The following CENPP variants were observed in gnomAD, a reference collection of about 807,000 sequenced individuals.
CENPP encodes the protein centromere protein P.
CENPP carries 24 observed loss-of-function variants against 35.6 expected under a neutral mutation model. The observed-to-expected ratio is 0.67, with a 90% confidence interval of 0.49 to 0.95. CENPP has a LOEUF of 0.95. Ranked by LOEUF, CENPP falls within the 40% of genes least tolerant of loss-of-function variation. The probability of loss-of-function intolerance (pLI) is 0.00; values close to 1 mark genes in which losing one functional copy is unlikely to be tolerated. For synonymous variants in CENPP, 120 were observed against 125.5 expected, an observed-to-expected ratio of 0.96 and a Z score of 0.29; for missense variants, 332 against 345.3, an observed-to-expected ratio of 0.96 and a Z score of 0.31.
chr9:92,439,889 C>A (rs1030728456), intron 5 of CENPP, among the ~76,000 whole-genome samples: 2 of 152,076 alleles, frequency 1.3e-5, no homozygotes, highest in Non-Finnish European at 2.9e-5. Flanking sequence ...GACCTAGGAA[C>A]CAGAATTTCT....
chr9:92,546,971 G>A (rs1849475696), intron 5 of CENPP, among the ~76,000 whole-genome samples: 2 of 152,088 alleles, frequency 1.3e-5, no homozygotes, highest in South Asian at 2.1e-4. Flanking sequence ...CAAACTGACA[G>A]GGACGTCAGA....
chr9:92,581,464 A>T (rs1850423688), intron 5 of CENPP, among the ~76,000 whole-genome samples: 1 of 152,210 alleles, frequency 6.6e-6, no homozygotes, highest in African/African-American at 2.4e-5. Flanking sequence ...AAGATCTTTG[A>T]AGCATCCAAA....
At chr9:92,455,907 T>G (rs986545588) in intron 5 of CENPP, among the ~76,000 whole-genome samples, 3 of 152,056 alleles carry the variant, frequency 2.0e-5, no homozygotes, top group Non-Finnish European at 4.4e-5. Flanking sequence ...CCGTCTCTAC[T>G]AAAGATACAA....
At chr9:92,507,302 G>A (rs1847065449) in intron 5 of CENPP, among the ~76,000 whole-genome samples, 1 of 152,192 alleles carries the variant, frequency 6.6e-6, no homozygotes, top group African/African-American at 2.4e-5. Flanking sequence ...TAAAGGTACT[G>A]AGAATCTGAC....
chr9:92,494,497 C>T (rs1226320839), intron 5 of CENPP, among the ~76,000 whole-genome samples: 1 of 152,180 alleles, frequency 6.6e-6, no homozygotes, highest in Non-Finnish European at 1.5e-5. Context: ...TTCTTCCTAA[C>T]AACCTGCTAT....
At chr9:92,419,624 A>G (rs1843726933) in intron 5 of CENPP, among the ~76,000 whole-genome samples, 1 of 152,180 alleles carries the variant, frequency 6.6e-6, no homozygotes, top group African/African-American at 2.4e-5. Context: ...TTGCCTGCTT[A>G]TCCGCCTGGT....
intron 5 of CENPP, among the ~76,000 whole-genome samples, chr9:92,552,703 A>G (rs1849641936): frequency 6.6e-6 from 1 of 151,228 alleles, no homozygotes; most frequent in African/African-American, 2.4e-5. Context: ...TTTTTTTCTT[A>G]CTGATTTGTT....
At position 92,338,769 on chromosome 9, in the gene CENPP, C is replaced by T. The variant is rs568060896; in HGVS notation, c.378+1140C>T. On this transcript the variant is annotated intron_variant, in intron 3 of 7. Transcript: ENST00000375587. ...AGTTGGGTGTCCTTGCTCAGGGCCTCTCATGAGGTTGTGGTCATCTGGGAC... is the reference window on the plus strand; with the variant it reads ...AGTTGGGTGTCCTTGCTCAGGGCCTTTCATGAGGTTGTGGTCATCTGGGAC... 9.2e-5 allele frequency among the ~76,000 whole-genome samples: 14 copies of T among 152,210 alleles called. No homozygotes were observed. In the South Asian group the frequency reaches 2.5e-3, roughly 27 times the overall value.
At chr9:92,424,981 C>G (rs1843924580) in intron 5 of CENPP, among the ~76,000 whole-genome samples, 1 of 152,178 alleles carries the variant, frequency 6.6e-6, no homozygotes, top group Non-Finnish European at 1.5e-5. Flanking sequence ...TGGCCTGGAA[C>G]TCAAAATTTC....
At chr9:92,399,445 T>G (rs898659976) in intron 5 of CENPP, among the ~76,000 whole-genome samples, 1 of 152,318 alleles carries the variant, frequency 6.6e-6, no homozygotes, top group African/African-American at 2.4e-5. Flanking sequence ...TTATTTTTAG[T>G]TATATTATCT....
chr9:92,381,897 C>CT (rs79507211), intron 5 of CENPP, among the ~76,000 whole-genome samples: 3,422 of 133,638 alleles, frequency 0.026, 106 homozygotes, highest in African/African-American at 0.075. Context: ...TTATTTTCTG[C>CT]TTTTTTTTTT....
rs548561850 is a variant in CENPP at position 92,497,891 on chromosome 9, A to G, written c.565-113423A>G. On this transcript the variant is annotated intron_variant, in intron 5 of 7. Coordinates refer to ENST00000375587, the MANE Select transcript of CENPP (RefSeq NM_001012267.3). ...TGGTTGTTTAAAAAAAAAAAAAAAA[A>G]AAGAAGTCTGGCACCTCCCCATTCT... Among the ~76,000 whole-genome samples, 68 of 150,216 alleles carry G rather than the reference A, an allele frequency of 4.5e-4. 1 individual carries two copies. The East Asian group carries it at 7.0e-3, about 16-fold the overall frequency.
intron 5 of CENPP, among the ~76,000 whole-genome samples, chr9:92,526,667 CA>C (rs1183518787): frequency 3.4e-5 from 5 of 146,812 alleles, no homozygotes; most frequent in Admixed American, 3.4e-4. Context: ...AGCCTTTAGA[CA>C]AAGAAAAAAA....
At chr9:92,550,879 G>A (rs975024894) in intron 5 of CENPP, among the ~76,000 whole-genome samples, 11 of 152,022 alleles carry the variant, frequency 7.2e-5, no homozygotes, top group Admixed American at 2.0e-4. Context: ...TACACAGCCC[G>A]CCACACTTTT....
At chr9:92,474,742 C>CTCCTCCTCCTCATCA in intron 5 of CENPP, 3 of 1,534,088 alleles carry the variant, frequency 2.0e-6, no homozygotes, top group Non-Finnish European at 2.7e-6. Flanking sequence ...GAGAGTTGTC[C>CTCCTCCTCCTCATCA]TCATCATCAT....
chr9:92,496,232 G>A, intron 5 of CENPP: 2 of 1,495,580 alleles, frequency 1.3e-6, no homozygotes, highest in Non-Finnish European at 1.8e-6. Context: ...ATAACAGGAG[G>A]ATTATGTCTC....
chr9:92,598,734 TAACTG>T (rs981979068), intron 5 of CENPP, among the ~76,000 whole-genome samples: 2 of 146,116 alleles, frequency 1.4e-5, no homozygotes, highest in African/African-American at 5.3e-5. Context: ...ATAAAACAAA[TAACTG>T]AAGGGGTTTT....
chr9:92,491,619 C>T (rs770663533), intron 5 of CENPP, among the ~76,000 whole-genome samples: 6 of 152,168 alleles, frequency 3.9e-5, no homozygotes, highest in Non-Finnish European at 7.3e-5. Context: ...TCAGCATTCT[C>T]TCACAGATGG....
At chr9:92,360,866 G>A (rs1841728745) in intron 4 of CENPP, among the ~76,000 whole-genome samples, 1 of 151,226 alleles carries the variant, frequency 6.6e-6, no homozygotes, top group African/African-American at 2.4e-5. Flanking sequence ...CACCACACCC[G>A]GCTAATTATT....
Sources: allele counts gnomAD v4.1 joint callset (sites outside exome capture counted in the v4.1 genomes callset), GRCh38; gene constraint gnomAD v4.1.1; transcripts MANE v1.5; gene names NCBI Gene and HGNC (gene_info 2026-07-23, HGNC 2026-07-21).